Variants in DNAH10 observed in about 807,000 individuals in gnomAD.
The protein encoded by DNAH10 is axonemal beta dynein heavy chain 10.
A neutral mutation model predicts 506.6 loss-of-function variants in DNAH10; 348 were observed. That is an observed-to-expected ratio of 0.69 (90% CI 0.63 to 0.75). The LOEUF (loss-of-function observed/expected upper bound fraction) is 0.75. Among genes scored for constraint, DNAH10 ranks in the 30% least tolerant of loss-of-function variants. The pLI is 0.00. For missense variants in DNAH10, 5,179 were observed against 5,787.1 expected, an observed-to-expected ratio of 0.89 and a Z score of 3.41; for synonymous variants, 2,059 against 2,198.6, an observed-to-expected ratio of 0.94 and a Z score of 1.78.
intron 39 of DNAH10, among the ~76,000 whole-genome samples, chr12:123,863,283 C>T (rs888326887): frequency 5.9e-5 from 9 of 152,156 alleles, no homozygotes; most frequent in Non-Finnish European, 8.8e-5. Context: ...AGGCCTTGGA[C>T]GTAGACGTGC....
At chr12:123,844,685 C>T (rs368232743) in intron 30 of DNAH10, among the ~76,000 whole-genome samples, 1 of 152,258 alleles carries the variant, frequency 6.6e-6, no homozygotes, top group East Asian at 1.9e-4. Context: ...GTTGCCCTGG[C>T]CGGAGTACAG....
rs957321467 is a variant in DNAH10 at position 123,785,929 on chromosome 12, T to C, written c.1414T>C (p.Leu472=). 6.2e-7 allele frequency: 1 copy of C among 1,609,702 alleles called. No homozygotes were observed. Among genetic ancestry groups the C allele is most frequent in the African/African-American group, 1.3e-5 (1 of 74,856 alleles). Residue 472 remains leucine (L), a synonymous_variant, in exon 9 of 79, where the codon TTG becomes CTG. Coordinates refer to ENST00000673944, the MANE Select transcript of DNAH10 (RefSeq NM_001372106.1). The surrounding 1 kb of genome is among the most constrained non-coding windows in gnomAD (Gnocchi z 4.1). The part of the protein sequence containing the change: ...RVCRVVNLRT[L]FKENRASAQS... ...CTGCCGAGTGGTCAACCTGCGGACT[T>C]TGTTCAAGTAAGAAGCCATGGCGTT... is the stretch of plus-strand genomic sequence containing the variant.
In DNAH10 at chr12:123,808,851, T is replaced by G; in HGVS notation, c.3042T>G (p.Thr1014=). 1 of 1,614,202 alleles carries G rather than the reference T, an allele frequency of 6.2e-7. No homozygotes were observed. The highest frequency in any genetic ancestry group is 8.5e-7 in the Non-Finnish European group (1 of 1,180,024). The change falls in exon 19 of 79, where the codon ACT becomes ACG. Residue 1014 remains threonine (T), a synonymous_variant. Transcript: ENST00000673944. ...LILGNVPLFH[T]ETILTAPEII... ...TTGGAAATGTCCCTCTGTTCCACAC[T>G]GAAACCATTCTGACGGCACCTGAGA... is the stretch of plus-strand genomic sequence containing the variant.
At chr12:123,828,104 G>A (rs965996753) in intron 25 of DNAH10, among the ~76,000 whole-genome samples, 1 of 151,524 alleles carries the variant, frequency 6.6e-6, no homozygotes, top group Non-Finnish European at 1.5e-5. Context: ...GGAAATGAAT[G>A]TTATTCTAAA....
intron 6 of DNAH10, 81 bp downstream of exon 6, chr12:123,781,380 T>C (rs1433084103): frequency 1.2e-5 from 16 of 1,331,692 alleles, no homozygotes; most frequent in Admixed American, 4.3e-5. Context: ...CCACCATGCC[T>C]GGCTAACTTT....
At chr12:123,918,589 A>G in intron 64 of DNAH10, 87 bp from the exon 65 acceptor site, 1 of 1,474,318 alleles carries the variant, frequency 6.8e-7, no homozygotes, top group Non-Finnish European at 9.1e-7. Flanking sequence ...AGCATTGTAC[A>G]TACCTCTCTG....
rs760348291 is a variant in DNAH10 at position 123,909,367 on chromosome 12, G to A, written c.9922G>A (p.Asp3308Asn). ...NWKTAKGVMSDPNFLRSLMEI... is the reference protein window; with the variant it reads ...NWKTAKGVMSNPNFLRSLMEI... ...GAAAACAGCCAAGGGCGTGATGTCC[G>A]ACCCGAATTTCCTGCGGTCTCTGAT... The change falls in exon 58 of 79, where the codon GAC (aspartate) becomes AAC (asparagine). Residue 3308 changes from aspartate to asparagine, a missense_variant. By Grantham distance (23) the Asp-to-Asn change is conservative. Around this residue, in one of 3 missense-constraint regions of DNAH10, gnomAD observed 4,844 missense variants for 5,430.5 expected, o/e 0.89. Transcript: ENST00000673944. The surrounding 1 kb of genome is among the most constrained non-coding windows in gnomAD (Gnocchi z 5.4). 1.9e-5 allele frequency: 31 copies of A among 1,611,590 alleles called. No individual in the cohort carries two copies. The highest frequency in any genetic ancestry group is 6.6e-5 in the South Asian group (6 of 90,430).
At chr12:123,808,361 A>T (rs978683215) in intron 18 of DNAH10, among the ~76,000 whole-genome samples, 1 of 151,998 alleles carries the variant, frequency 6.6e-6, no homozygotes, top group Non-Finnish European at 1.5e-5. Flanking sequence ...TCTGGCTGCC[A>T]TGTGAATTAC....
intron 57 of DNAH10, among the ~76,000 whole-genome samples, chr12:123,904,004 TC>T (rs1953658934): frequency 1.3e-5 from 2 of 152,188 alleles, no homozygotes; most frequent in African/African-American, 2.4e-5. Flanking sequence ...CGGTGCATGT[TC>T]CCTGTGCTTC....
intron 18 of DNAH10, among the ~76,000 whole-genome samples, chr12:123,806,791 G>A (rs1254829619): frequency 2.8e-5 from 4 of 143,734 alleles, no homozygotes; most frequent in Non-Finnish European, 4.5e-5. Flanking sequence ...TTTTTGAGAC[G>A]GAGTCTTGCT....
Position 123,914,338 on chromosome 12 carries a change from C to T in DNAH10, c.10362C>T (p.Asn3454=), listed in dbSNP as rs371725544. The change falls in exon 61 of 79, where the codon AAC becomes AAT. Residue 3454 remains asparagine, a synonymous_variant. Transcript: ENST00000673944. ...TCTCCTCCCGTGCCAGGTGGCTGAA[C>T]GACCTGGATGAGCTGATGCACCGGC... The part of the protein sequence containing the change: ...GLGSENIRWL[N]DLDELMHRRV... The T allele has an allele frequency of 4.6e-5, 74 of 1,611,542 alleles. No homozygotes were observed. The African/African-American group carries it at 6.8e-4, about 15-fold the overall frequency.
chr12:123,870,820 A>G (rs1038124983), intron 44 of DNAH10, among the ~76,000 whole-genome samples: 9 of 152,074 alleles, frequency 5.9e-5, no homozygotes, highest in Non-Finnish European at 1.2e-4. Flanking sequence ...CTGGGTGGGG[A>G]CTAGACGGCA....
At chr12:123,796,870 TG>T in intron 13 of DNAH10, 38 bp downstream of exon 13, 1 of 1,527,206 alleles carries the variant, frequency 6.5e-7, no homozygotes, top group Non-Finnish European at 8.8e-7. Context: ...CTTTTGTATT[TG>T]ATTTTTTTTT....
Position 123,845,665 on chromosome 12 carries a change from G to T in DNAH10, c.5426G>T (p.Trp1809Leu). The change falls in exon 31 of 79, where the codon TGG (tryptophan) becomes TTG (leucine). Residue 1809 changes from tryptophan (W) to leucine (L), a missense_variant. Trp to Leu is a moderately conservative substitution (Grantham distance 61, BLOSUM62 -2). Coordinates refer to ENST00000673944, the MANE Select transcript of DNAH10 (RefSeq NM_001372106.1). ...GCCGCTAGCCAGGTGTGGTGGACCT[G>T]GGAGGTGGAAGACGTCTTCCACAAA... ...VLAASQVWWT[W>L]EVEDVFHKAQ... 1 of 1,613,742 alleles carries T rather than the reference G, an allele frequency of 6.2e-7. No homozygotes were observed. Among genetic ancestry groups the T allele is most frequent in the East Asian group, 2.2e-5 (1 of 44,874 alleles).
intron 6 of DNAH10, among the ~76,000 whole-genome samples, chr12:123,782,804 TA>T (rs1957713659): frequency 6.6e-6 from 1 of 152,178 alleles, no homozygotes; most frequent in Non-Finnish European, 1.5e-5. Flanking sequence ...GGTGGTTATC[TA>T]AAATGTCTGC....
intron 30 of DNAH10, among the ~76,000 whole-genome samples, chr12:123,843,365 G>A (rs904141852): frequency 9.9e-5 from 15 of 151,964 alleles, no homozygotes; most frequent in Admixed American, 3.9e-4. Context: ...CCACCTCTCC[G>A]TTTCTGATTC....
intron 77 of DNAH10, 87 bp downstream of exon 77, chr12:123,933,598 G>A (rs889847058): frequency 2.9e-5 from 43 of 1,459,378 alleles, no homozygotes; most frequent in African/African-American, 2.1e-4. Flanking sequence ...CAGGCATAGC[G>A]TGGGCCTAAA....
intron 21 of DNAH10, among the ~76,000 whole-genome samples, chr12:123,818,399 C>G (rs1959181830): frequency 6.6e-6 from 1 of 152,074 alleles, no homozygotes; most frequent in Admixed American, 6.5e-5. Context: ...TCTCGACTCA[C>G]TGCAACCTCT....
intron 29 of DNAH10, among the ~76,000 whole-genome samples, 154 bp downstream of exon 29, chr12:123,838,843 G>A (rs1395548073): frequency 6.6e-6 from 1 of 152,110 alleles, no homozygotes; most frequent in East Asian, 1.9e-4. Flanking sequence ...GACAGGGTCT[G>A]GCTCTGTTGC....
Sources: allele counts gnomAD v4.1 joint callset (sites outside exome capture counted in the v4.1 genomes callset), GRCh38; gene constraint gnomAD v4.1.1; regional missense constraint gnomAD v4.1.1; non-coding constraint Gnocchi (gnomAD v3.1); transcripts MANE v1.5; gene names NCBI Gene and HGNC (gene_info 2026-07-23, HGNC 2026-07-21).